The following CSMD3 variants were observed in gnomAD, a reference collection of about 807,000 sequenced individuals.
CSMD3 encodes CUB and sushi domain-containing protein 3.
In CSMD3, 177 loss-of-function variants were observed where a neutral mutation model predicts 435.2. The observed-to-expected ratio is 0.41, with a 90% confidence interval of 0.36 to 0.46. The LOEUF (loss-of-function observed/expected upper bound fraction) is 0.46, where lower values mean the gene tolerates loss of function less well. CSMD3 is among the 20% of genes least tolerant of loss of function. The pLI, the probability that CSMD3 is intolerant of heterozygous loss-of-function variation, is 0.34. For synonymous variants in CSMD3, 1,656 were observed against 1,520.5 expected (o/e 1.09, Z -2.07); for missense variants, 4,265 against 4,504.6 (o/e 0.95, Z 1.52).
chr8:112,855,861 T>A, intron 11 of CSMD3, among the ~76,000 whole-genome samples: 1 of 145,954 alleles, frequency 6.9e-6, no homozygotes, highest in Non-Finnish European at 1.5e-5. Flanking sequence ...GAGCTATGAA[T>A]CTGGAATTTC....
At chr8:113,338,896 C>G (rs748117498) in intron 1 of CSMD3, among the ~76,000 whole-genome samples, 3 of 151,872 alleles carry the variant, frequency 2.0e-5, no homozygotes, top group Non-Finnish European at 4.4e-5. Flanking sequence ...TTTGTATTCT[C>G]TAAAATATGA....
In CSMD3 at chr8:112,723,838, C is replaced by T. The variant is rs527412397; in HGVS notation, c.1973-33788G>A. 3.7e-4 allele frequency among the ~76,000 whole-genome samples: 57 copies of T among 152,120 alleles called. 1 individual carries two copies. The South Asian group carries it at 8.7e-3, about 23-fold the overall frequency. On this transcript the variant is annotated intron_variant, in intron 13 of 70. Coordinates refer to ENST00000297405, the MANE Select transcript of CSMD3 (RefSeq NM_198123.2). ...ATTAAGCAAGGTAATCAACACAGCA[C>T]ACAGCATGGTACATACTAGGCACAC...
intron 1 of CSMD3, among the ~76,000 whole-genome samples, chr8:113,412,809 T>TA (rs11410595): frequency 0.22 from 32,846 of 150,554 alleles, 4,356 homozygotes; most frequent in East Asian, 0.46. Context: ...ATGTTACAGG[T>TA]AAAAAAAAAC....
intron 25 of CSMD3, among the ~76,000 whole-genome samples, chr8:112,554,247 G>T (rs1387812551): frequency 6.6e-6 from 1 of 151,786 alleles, no homozygotes; most frequent in Non-Finnish European, 1.5e-5. Context: ...ATATCCTATT[G>T]GTGCTGTTTC....
intron 3 of CSMD3, among the ~76,000 whole-genome samples, chr8:113,208,595 C>T (rs898639169): frequency 2.0e-5 from 3 of 152,000 alleles, no homozygotes; most frequent in East Asian, 1.9e-4. Flanking sequence ...TTGATCATTT[C>T]GCACAGATAA....
chr8:113,035,866 A>G (rs951769640), intron 5 of CSMD3, among the ~76,000 whole-genome samples: 3 of 152,036 alleles, frequency 2.0e-5, no homozygotes, highest in African/African-American at 7.2e-5. Flanking sequence ...ATAGAAATGT[A>G]CATGCAAACT....
At chr8:112,542,030 T>C (rs1026602981) in intron 27 of CSMD3, among the ~76,000 whole-genome samples, 1 of 151,800 alleles carries the variant, frequency 6.6e-6, no homozygotes, top group African/African-American at 2.4e-5. Context: ...AACAGAATAA[T>C]GGATTAAGAT....
chr8:113,151,786 C>T (rs2091812508), intron 4 of CSMD3, among the ~76,000 whole-genome samples: 1 of 151,928 alleles, frequency 6.6e-6, no homozygotes, highest in South Asian at 2.1e-4. Flanking sequence ...CTGACATTAT[C>T]TTATGATATG....
chr8:113,126,028 A>C (rs2091115362), intron 4 of CSMD3, among the ~76,000 whole-genome samples: 1 of 152,050 alleles, frequency 6.6e-6, no homozygotes, highest in Non-Finnish European at 1.5e-5. Context: ...GCAATAAATT[A>C]TCATTGTACT....
intron 12 of CSMD3, among the ~76,000 whole-genome samples, chr8:112,816,831 T>A (rs559604248): frequency 1.1e-3 from 169 of 151,564 alleles, no homozygotes; most frequent in Non-Finnish European, 1.9e-3. Flanking sequence ...AAATAAAAAA[T>A]TTATTTATAA....
chr8:112,550,057 T>C (rs1183779703), intron 27 of CSMD3, among the ~76,000 whole-genome samples: 1 of 152,064 alleles, frequency 6.6e-6, no homozygotes, highest in Non-Finnish European at 1.5e-5. Context: ...AAACTAAAAT[T>C]TCTTTTACAG....
rs1423157420 is a variant in CSMD3, at chr8:112,550,624, C to T, written c.4564+47G>A. 3 of 1,000,156 alleles carry T rather than the reference C, an allele frequency of 3.0e-6. No homozygotes were observed. The Admixed American group carries it at 5.1e-5, about 17-fold the overall frequency. The allele number at this position is 1,000,156 out of a possible 1,614,324, so 62.0% of individuals were successfully genotyped here. ...ACAGTAAAGTTAACATGACTATTTACATCACCTTCCTATTTTGCATTGAAG... is the reference window on the plus strand; with the variant it reads ...ACAGTAAAGTTAACATGACTATTTATATCACCTTCCTATTTTGCATTGAAG... On this transcript the variant is annotated intron_variant, in intron 27 of 70. Transcript: ENST00000297405.
At chr8:112,983,684 T>C (rs576049363) in intron 6 of CSMD3, among the ~76,000 whole-genome samples, 40 of 151,822 alleles carry the variant, frequency 2.6e-4, no homozygotes, top group African/African-American at 8.9e-4. Flanking sequence ...AAGTTTGCCA[T>C]AAGACCATTT....
At chr8:112,723,676 A>G (rs1040722915) in intron 13 of CSMD3, among the ~76,000 whole-genome samples, 3 of 152,122 alleles carry the variant, frequency 2.0e-5, no homozygotes, top group Non-Finnish European at 4.4e-5. Flanking sequence ...GAAGCTTTGG[A>G]GTCAAGCTAC....
intron 2 of CSMD3, chr8:113,313,205 G>C (rs2093883599): frequency 6.6e-6 from 1 of 152,078 alleles, no homozygotes; most frequent in Non-Finnish European, 1.5e-5. Flanking sequence ...TCAAAAAGCT[G>C]GTGAGCAACA....
intron 53 of CSMD3, among the ~76,000 whole-genome samples, chr8:112,300,463 A>T (rs1820812590): frequency 6.6e-6 from 1 of 151,958 alleles, no homozygotes; most frequent in Non-Finnish European, 1.5e-5. Context: ...ATACATAATC[A>T]TTTAACTCAT....
At chr8:112,347,733 T>A (rs936146812) in intron 40 of CSMD3, among the ~76,000 whole-genome samples, 1 of 152,348 alleles carries the variant, frequency 6.6e-6, no homozygotes, top group Non-Finnish European at 1.5e-5. Context: ...TTCATTTTCC[T>A]AAATTCAATT....
chr8:113,168,948 A>C (rs2092215692), intron 4 of CSMD3, among the ~76,000 whole-genome samples: 1 of 152,192 alleles, frequency 6.6e-6, no homozygotes, highest in Non-Finnish European at 1.5e-5. Context: ...AGCAAACATA[A>C]TAAATATCCT....
At chr8:112,854,978 A>C (rs957554309) in intron 11 of CSMD3, among the ~76,000 whole-genome samples, 2 of 152,206 alleles carry the variant, frequency 1.3e-5, no homozygotes, top group African/African-American at 4.8e-5. Context: ...ACTAAAAATA[A>C]GGCTAGTTTG....
Sources: allele counts gnomAD v4.1 joint callset (sites outside exome capture counted in the v4.1 genomes callset), GRCh38; gene constraint gnomAD v4.1.1; transcripts MANE v1.5; gene names NCBI Gene and HGNC (gene_info 2026-07-23, HGNC 2026-07-21).